Variants in UNC13C observed in about 807,000 individuals in gnomAD.
The protein encoded by UNC13C is protein unc-13 homolog C.
In UNC13C, 174 loss-of-function variants were observed where a neutral mutation model predicts 245.4. The observed-to-expected ratio is 0.71, with a 90% CI of 0.63 to 0.80. The LOEUF is 0.80. UNC13C is among the 30% of genes least tolerant of loss of function. The pLI is 0.00. For synonymous variants in UNC13C, 992 were observed against 895.1 expected (o/e 1.11, Z -1.93); for missense variants, 2,829 against 2,602.9 (o/e 1.09, Z -1.89).
At chr15:53,884,439 C>G in the UNC13C span, among the ~76,000 whole-genome samples, 1 of 152,112 alleles carries the variant, frequency 6.6e-6, no homozygotes, top group African/African-American at 2.4e-5. Flanking sequence ...GCAATACTCC[C>G]ACCTCAGCCT....
intron 4 of UNC13C, among the ~76,000 whole-genome samples, chr15:54,160,893 T>C (rs1305075419): frequency 6.6e-6 from 1 of 152,212 alleles, no homozygotes; most frequent in Admixed American, 6.5e-5. Context: ...ATGATAAAGC[T>C]ATTTTAATGA....
intron 4 of UNC13C, among the ~76,000 whole-genome samples, chr15:54,203,377 G>T (rs543875183): frequency 4.6e-5 from 7 of 151,246 alleles, no homozygotes; most frequent in African/African-American, 1.7e-4. Context: ...ACTTGTACAC[G>T]CGTTTATAGC....
chr15:53,964,041 A>AAATGGTCTTT, the UNC13C span, among the ~76,000 whole-genome samples: 3 of 152,330 alleles, frequency 2.0e-5, no homozygotes, highest in Admixed American at 2.0e-4. Context: ...GTCTGGAAAG[A>AAATGGTCTTT]AATGGTCTTT....
chr15:54,503,133 T>C (rs1011485158), intron 22 of UNC13C, among the ~76,000 whole-genome samples: 4 of 152,084 alleles, frequency 2.6e-5, no homozygotes, highest in African/African-American at 4.8e-5. Context: ...ATTGGTGCAA[T>C]AAAAAATTCA....
At chr15:54,491,396 C>T (rs554954550) in intron 19 of UNC13C, among the ~76,000 whole-genome samples, 8 of 151,792 alleles carry the variant, frequency 5.3e-5, no homozygotes, top group Non-Finnish European at 5.9e-5. Flanking sequence ...AAAAGTTGTA[C>T]GTAATAGCAG....
At chr15:54,574,332 A>G (rs1264193961) in intron 30 of UNC13C, among the ~76,000 whole-genome samples, 1 of 152,108 alleles carries the variant, frequency 6.6e-6, no homozygotes, top group Non-Finnish European at 1.5e-5. Flanking sequence ...GTTTTTTCTC[A>G]AGAATGCATT....
At chr15:54,009,607 C>T (rs574666912) in intron 1 of UNC13C, among the ~76,000 whole-genome samples, 3 of 149,630 alleles carry the variant, frequency 2.0e-5, no homozygotes, top group African/African-American at 7.4e-5. Context: ...AGTGCAGTGG[C>T]GTGATCTCGG....
At chr15:54,371,738 A>G (rs1355131343) in intron 17 of UNC13C, among the ~76,000 whole-genome samples, 1 of 151,532 alleles carries the variant, frequency 6.6e-6, no homozygotes, top group East Asian at 1.9e-4. Context: ...ACACACACAC[A>G]TACCAGTGGA....
At chr15:53,975,089 A>G (rs1004540426), upstream of UNC13C, 2 of 152,218 alleles carry the variant, frequency 1.3e-5, no homozygotes, top group Non-Finnish European at 2.9e-5. Context: ...GGCAAACAGG[A>G]AGTGGCAGTA....
chr15:54,631,356 C>G (rs2141332214), downstream of UNC13C: 1 of 152,258 alleles, frequency 6.6e-6, no homozygotes, highest in African/African-American at 2.4e-5. Flanking sequence ...AAAAAATATG[C>G]ATATTTTTTA....
intron 22 of UNC13C, among the ~76,000 whole-genome samples, chr15:54,502,770 T>C (rs1358993266): frequency 2.6e-5 from 4 of 152,116 alleles, no homozygotes; most frequent in African/African-American, 4.8e-5. Flanking sequence ...ATATGATAAT[T>C]GTACCTGATA....
intron 17 of UNC13C, among the ~76,000 whole-genome samples, chr15:54,374,602 AGAAGGGAGGCATTTCTGAGCCTGCAGAG>A (rs1567223604): frequency 6.6e-6 from 1 of 152,258 alleles, no homozygotes; most frequent in East Asian, 1.9e-4. Flanking sequence ...AGCCTGCTGA[AGAAGGGAGGCATTTCTGAGCCTGCAGAG>A]GAAGGGAGGC....
chr15:54,408,199 C>CAGAAAAAA (rs2040342569), intron 18 of UNC13C, among the ~76,000 whole-genome samples: 1 of 29,130 alleles, frequency 3.4e-5, no homozygotes, highest in Non-Finnish European at 7.6e-5. Flanking sequence ...GACTCTGCCT[C>CAGAAAAAA]AAAAAAAAAA....
chr15:53,898,429 C>G, the UNC13C span, among the ~76,000 whole-genome samples: 1 of 136,356 alleles, frequency 7.3e-6, no homozygotes, highest in Non-Finnish European at 1.6e-5. Flanking sequence ...CACACACACA[C>G]AAACGCATAC....
chr15:53,925,963 C>G, the UNC13C span, among the ~76,000 whole-genome samples: 1 of 152,108 alleles, frequency 6.6e-6, no homozygotes, highest in African/African-American at 2.4e-5. Flanking sequence ...GAAGAGCAAC[C>G]ACGGATTTTG....
chr15:54,016,835 T>C (rs1348996853), intron 2 of UNC13C, among the ~76,000 whole-genome samples: 3 of 152,202 alleles, frequency 2.0e-5, no homozygotes, highest in Non-Finnish European at 4.4e-5. Flanking sequence ...ATTATTATGT[T>C]CCCTGATCAT....
At chr15:53,925,251 C>A in the UNC13C span, among the ~76,000 whole-genome samples, 3 of 152,234 alleles carry the variant, frequency 2.0e-5, no homozygotes, top group East Asian at 5.8e-4. Context: ...GGGTAGATAT[C>A]CTCCCAAAAT....
chr15:54,463,707 G>C (rs1323637091), intron 19 of UNC13C, among the ~76,000 whole-genome samples: 2 of 152,108 alleles, frequency 1.3e-5, no homozygotes, highest in Non-Finnish European at 2.9e-5. Flanking sequence ...CACTCACTGG[G>C]AGGGTCCGCA....
chr15:54,552,982 T>G (rs1202603397), intron 28 of UNC13C, among the ~76,000 whole-genome samples: 3 of 104,954 alleles, frequency 2.9e-5, no homozygotes, highest in African/African-American at 1.2e-4. Flanking sequence ...TATTATATAT[T>G]GTATTCTATA....
Sources: allele counts gnomAD v4.1 joint callset (sites outside exome capture counted in the v4.1 genomes callset), GRCh38; gene constraint gnomAD v4.1.1; transcripts MANE v1.5; gene names NCBI Gene and HGNC (gene_info 2026-07-23, HGNC 2026-07-21).